ROBO1: variants seen among roughly 807,000 people sequenced by gnomAD.
ROBO1 encodes roundabout guidance receptor 1, also known as roundabout homolog 1.
ROBO1 carries 149 observed loss-of-function variants against 195.9 expected under a neutral mutation model. The observed-to-expected ratio is 0.76, with a 90% CI of 0.67 to 0.87. The LOEUF is 0.87. Among genes scored for constraint, ROBO1 ranks in the 40% least tolerant of loss-of-function variants. The probability of loss-of-function intolerance (pLI) is 0.00; values close to 1 mark genes in which losing one functional copy is unlikely to be tolerated. For missense variants in ROBO1, 1,933 were observed against 2,068.3 expected (o/e 0.93, Z 1.27); for synonymous variants, 816 against 733.2 (o/e 1.11, Z -1.82).
chr3:79,665,198 A>C (rs957333077), intron 1 of ROBO1, among the ~76,000 whole-genome samples: 1 of 151,986 alleles, frequency 6.6e-6, no homozygotes, highest in African/African-American at 2.4e-5. Flanking sequence ...TTGAAATGCT[A>C]TATACATCTG....
chr3:78,610,079 C>G (rs1424196059), intron 28 of ROBO1, among the ~76,000 whole-genome samples: 1 of 152,106 alleles, frequency 6.6e-6, no homozygotes, highest in Non-Finnish European at 1.5e-5. Flanking sequence ...GTTTTCATGG[C>G]TTACCATGTT....
At chr3:79,650,415 T>C (rs547842059) in intron 1 of ROBO1, among the ~76,000 whole-genome samples, 3 of 151,908 alleles carry the variant, frequency 2.0e-5, no homozygotes, top group Non-Finnish European at 2.9e-5. Context: ...AATAAGAATA[T>C]TGTAATTCTT....
chr3:78,902,700 G>C (rs1272378197), intron 4 of ROBO1, among the ~76,000 whole-genome samples: 1 of 152,002 alleles, frequency 6.6e-6, no homozygotes, highest in Non-Finnish European at 1.5e-5. Flanking sequence ...AAAATTAGAT[G>C]GGTGTGGTGG....
At chr3:79,332,458 G>C (rs1421008283) in intron 2 of ROBO1, among the ~76,000 whole-genome samples, 2 of 152,136 alleles carry the variant, frequency 1.3e-5, no homozygotes, top group African/African-American at 4.8e-5. Context: ...AGAGAACTAG[G>C]AGATGAGAGC....
chr3:78,839,220 CA>C (rs1385739611), intron 4 of ROBO1, among the ~76,000 whole-genome samples: 1 of 152,002 alleles, frequency 6.6e-6, no homozygotes, highest in Non-Finnish European at 1.5e-5. Flanking sequence ...AATATTTGAT[CA>C]CCTGATCCTA....
At chr3:78,885,129 G>A (rs1262850025) in intron 4 of ROBO1, among the ~76,000 whole-genome samples, 3 of 152,154 alleles carry the variant, frequency 2.0e-5, no homozygotes, top group South Asian at 2.1e-4. Flanking sequence ...AGGGCTAGAG[G>A]CCATTATCCT....
At chr3:79,597,106 T>A (rs1944197954) in intron 1 of ROBO1, among the ~76,000 whole-genome samples, 1 of 149,864 alleles carries the variant, frequency 6.7e-6, no homozygotes, top group African/African-American at 2.5e-5. Context: ...TTAATAAGTG[T>A]GTGTGTGCCT....
intron 2 of ROBO1, among the ~76,000 whole-genome samples, chr3:79,431,616 A>C (rs1441566438): frequency 6.6e-6 from 1 of 152,164 alleles, no homozygotes; most frequent in Non-Finnish European, 1.5e-5. Flanking sequence ...TTTACTAGGC[A>C]ATGTAATCAG....
intron 3 of ROBO1, among the ~76,000 whole-genome samples, chr3:79,112,725 G>C (rs1576687736): frequency 6.6e-6 from 1 of 151,134 alleles, no homozygotes; most frequent in South Asian, 2.1e-4. Context: ...CATGGACATA[G>C]GAAGGGGAAC....
intron 3 of ROBO1, among the ~76,000 whole-genome samples, chr3:78,943,851 G>A (rs1466101606): frequency 1.3e-5 from 2 of 152,112 alleles, no homozygotes; most frequent in Admixed American, 6.5e-5. Flanking sequence ...ACAAAATACA[G>A]AAATCTCACA....
intron 4 of ROBO1, among the ~76,000 whole-genome samples, chr3:78,764,236 A>G (rs1218014655): frequency 1.3e-5 from 2 of 152,172 alleles, no homozygotes; most frequent in Non-Finnish European, 2.9e-5. Flanking sequence ...TGTTTTAGTT[A>G]GAAGGAATTT....
intron 2 of ROBO1, among the ~76,000 whole-genome samples, chr3:79,572,885 A>G (rs1260002871): frequency 6.6e-6 from 1 of 152,066 alleles, no homozygotes; most frequent in Non-Finnish European, 1.5e-5. Flanking sequence ...GTCTTACCTA[A>G]CCTACAATCA....
intron 2 of ROBO1, among the ~76,000 whole-genome samples, chr3:79,143,239 A>G (rs931180115): frequency 3.3e-5 from 5 of 152,192 alleles, no homozygotes; most frequent in Non-Finnish European, 7.4e-5. Context: ...AAATAACCCG[A>G]CAGCCTAACA....
rs181804393 is a variant in ROBO1, at chr3:79,752,487, T to C, written c.-51+15265A>G. On this transcript the variant is annotated intron_variant, in intron 1 of 30. Coordinates refer to ENST00000464233, the MANE Select transcript of ROBO1 (RefSeq NM_002941.4). ...AACATAGTGGTGCCATGGGAGCTTA[T>C]AGAAAGGGCTTTAGAATGTAGGGTG... 1.8e-3 allele frequency among the ~76,000 whole-genome samples: 274 copies of C among 152,200 alleles called. 2 individuals are homozygous for C. Among genetic ancestry groups the C allele is most frequent in the African/African-American group, 6.4e-3 (267 of 41,564 alleles).
At chr3:78,658,037 T>A (rs1200817873) in intron 17 of ROBO1, among the ~76,000 whole-genome samples, 7 of 152,174 alleles carry the variant, frequency 4.6e-5, no homozygotes, top group Admixed American at 4.6e-4. Flanking sequence ...TAGCAATACA[T>A]ATTTGATGTG....
At chr3:79,102,905 T>C (rs971132507) in intron 3 of ROBO1, among the ~76,000 whole-genome samples, 3 of 151,838 alleles carry the variant, frequency 2.0e-5, no homozygotes, top group Admixed American at 6.6e-5. Context: ...TTAACTAGAT[T>C]ATGTATAGAA....
At chr3:79,565,664 C>T (rs913360403) in intron 2 of ROBO1, among the ~76,000 whole-genome samples, 1 of 152,018 alleles carries the variant, frequency 6.6e-6, no homozygotes, top group East Asian at 1.9e-4. Context: ...AGAGTGAAAG[C>T]TGACCTTAAG....
intron 2 of ROBO1, among the ~76,000 whole-genome samples, chr3:79,472,352 T>C (rs986418642): frequency 6.6e-6 from 1 of 152,096 alleles, no homozygotes; most frequent in Non-Finnish European, 1.5e-5. Flanking sequence ...GATGTCCCTC[T>C]TTAGGCCCAT....
rs112423696 is a variant in ROBO1, at chr3:78,957,258, A to G, written c.173-18331T>C. 9.2e-4 allele frequency among the ~76,000 whole-genome samples: 139 copies of G among 151,392 alleles called. 1 individual carries two copies. The highest frequency in any genetic ancestry group is 2.9e-3 in the African/African-American group (118 of 41,272). ...CTCGAAATATATGTACTAAATGTCC[A>G]TGCTGCACCAGGTCTGCACTAGATG... On this transcript the variant is annotated intron_variant, in intron 3 of 30. Transcript: ENST00000464233.
Sources: gnomAD v4.1 joint callset for allele counts (sites outside exome capture counted in the v4.1 genomes callset) on GRCh38, gnomAD v4.1.1 for gene constraint, MANE v1.5 for transcripts, NCBI Gene and HGNC (gene_info 2026-07-23, HGNC 2026-07-21) for gene names.